The following COL24A1 variants were observed in gnomAD, a reference collection of about 807,000 sequenced individuals.
The protein encoded by COL24A1 is collagen alpha-1(XXIV) chain.
In COL24A1, 224 loss-of-function variants were observed where a neutral mutation model predicts 253.9. The observed-to-expected ratio is 0.88, with a 90% CI of 0.79 to 0.99. The LOEUF (loss-of-function observed/expected upper bound fraction) is 0.99, where lower values mean the gene tolerates loss of function less well. Ranked by LOEUF, COL24A1 falls within the 50% of genes least tolerant of loss-of-function variation. The pLI is 0.00. For synonymous variants in COL24A1, 685 were observed against 673.7 expected, an observed-to-expected ratio of 1.02 and a Z score of -0.26; for missense variants, 2,131 against 2,068.5, an observed-to-expected ratio of 1.03 and a Z score of -0.59.
chr1:86,056,003 A>C (rs1700634635), intron 10 of COL24A1, among the ~76,000 whole-genome samples: 1 of 151,882 alleles, frequency 6.6e-6, no homozygotes, highest in Admixed American at 6.6e-5. Context: ...CTGTAGTCCC[A>C]GCTACTCAGG....
rs1434354880 is a variant in COL24A1, at chr1:86,055,990, C to T, written c.1851+1941G>A. On this transcript the variant is annotated intron_variant, in intron 10 of 59. Transcript: ENST00000370571. ...AAAATTAGCTGGGTGTGGTGGCAGG[C>T]GCCTGTAGTCCCAGCTACTCAGGAG... 2.6e-5 allele frequency among the ~76,000 whole-genome samples: 4 copies of T among 151,788 alleles called. No homozygotes were observed. In the South Asian group the frequency reaches 8.4e-4, roughly 32 times the overall value.
At position 85,861,936 on chromosome 1, in the gene COL24A1, C is replaced by T. The variant is rs183188257; in HGVS notation, c.3300+6583G>A. On this transcript the variant is annotated intron_variant, in intron 37 of 59. Coordinates refer to ENST00000370571, the MANE Select transcript of COL24A1 (RefSeq NM_152890.7). The stretch of plus-strand genomic sequence containing the variant: ...GCTCATTCTCACCTCTATATCTTGG[C>T]CATTGCTGCTTCATCTATCTTGAAG... 1.0e-3 allele frequency among the ~76,000 whole-genome samples: 157 copies of T among 152,238 alleles called. 1 individual carries two copies. Among genetic ancestry groups the T allele is most frequent in the African/African-American group, 3.6e-3 (151 of 41,542 alleles).
intron 47 of COL24A1, among the ~76,000 whole-genome samples, chr1:85,804,083 T>C (rs185598438): frequency 1.3e-5 from 2 of 152,260 alleles, no homozygotes; most frequent in African/African-American, 4.8e-5. Context: ...AAAGTATTGG[T>C]TATCAAATAG....
At chr1:85,863,507 TA>T (rs991924632) in intron 37 of COL24A1, among the ~76,000 whole-genome samples, 4 of 152,090 alleles carry the variant, frequency 2.6e-5, no homozygotes, top group African/African-American at 9.7e-5. Context: ...ACTTCATGTC[TA>T]AAACACAAAA....
chr1:86,089,689 G>A (rs951111979), intron 6 of COL24A1, among the ~76,000 whole-genome samples: 1 of 152,044 alleles, frequency 6.6e-6, no homozygotes. Context: ...GCATGGTGTC[G>A]GGCACCTGTA....
intron 1 of COL24A1, chr1:86,154,316 T>C (rs1196528127): frequency 6.6e-6 from 1 of 152,264 alleles, no homozygotes; most frequent in Non-Finnish European, 1.5e-5. Context: ...TAATCTGATG[T>C]AATTATGAAT....
chr1:86,021,980 A>G (rs952311653), intron 18 of COL24A1, among the ~76,000 whole-genome samples: 3 of 152,172 alleles, frequency 2.0e-5, no homozygotes, highest in Non-Finnish European at 2.9e-5. Flanking sequence ...AATATTGTCT[A>G]TATTAAATTA....
chr1:86,022,118 T>C, intron 18 of COL24A1, 122 bp downstream of exon 18: 2 of 878,268 alleles, frequency 2.3e-6, no homozygotes. Context: ...TTTGCTATAT[T>C]CTAAAACTAA....
intron 48 of COL24A1, among the ~76,000 whole-genome samples, chr1:85,786,143 A>T (rs1428685994): frequency 6.6e-6 from 1 of 152,234 alleles, no homozygotes; most frequent in East Asian, 1.9e-4. Context: ...CCTGGGTCAA[A>T]GAGTTGTTAT....
chr1:85,801,601 C>T (rs1178779191), intron 47 of COL24A1, among the ~76,000 whole-genome samples: 1 of 152,198 alleles, frequency 6.6e-6, no homozygotes, highest in Non-Finnish European at 1.5e-5. Context: ...CTACTGTTGA[C>T]AGTCTCTGGG....
intron 24 of COL24A1, among the ~76,000 whole-genome samples, chr1:85,918,154 G>A (rs1257468421): frequency 7.0e-6 from 1 of 143,826 alleles, no homozygotes; most frequent in South Asian, 2.3e-4. Flanking sequence ...CTTATGATTT[G>A]TATTTTCTGG....
intron 28 of COL24A1, among the ~76,000 whole-genome samples, chr1:85,906,774 T>A (rs1217221579): frequency 1.3e-5 from 2 of 151,976 alleles, no homozygotes; most frequent in Admixed American, 6.6e-5. Context: ...TGATTTACAA[T>A]TAATAAGCTC....
intron 24 of COL24A1, among the ~76,000 whole-genome samples, chr1:85,932,207 C>A (rs1687803178): frequency 1.2e-5 from 1 of 83,908 alleles, no homozygotes; most frequent in East Asian, 3.9e-4. Context: ...GGCTAATATC[C>A]AGAATCTACA....
chr1:86,006,895 G>C (rs767383013), intron 19 of COL24A1, among the ~76,000 whole-genome samples: 1 of 152,080 alleles, frequency 6.6e-6, no homozygotes, highest in Non-Finnish European at 1.5e-5. Flanking sequence ...CACATTATAT[G>C]TCATTAGGGA....
intron 4 of COL24A1, 57 bp from the exon 5 acceptor site, chr1:86,112,677 C>T (rs1225427045): frequency 8.1e-6 from 12 of 1,476,958 alleles, no homozygotes; most frequent in African/African-American, 4.1e-5. Context: ...GAACAAAGTA[C>T]AATTGCTTAC....
intron 43 of COL24A1, among the ~76,000 whole-genome samples, chr1:85,832,901 A>G (rs1367568571): frequency 2.0e-5 from 3 of 151,148 alleles, no homozygotes; most frequent in Non-Finnish European, 4.4e-5. Flanking sequence ...CTCTTTTCCT[A>G]ACTGAATACC....
At chr1:85,790,678 G>A (rs1670186802) in intron 47 of COL24A1, among the ~76,000 whole-genome samples, 1 of 151,972 alleles carries the variant, frequency 6.6e-6, no homozygotes, top group Non-Finnish European at 1.5e-5. Flanking sequence ...CAGTGCACAT[G>A]CTATCATATC....
chr1:85,806,252 T>C (rs1276015514), intron 47 of COL24A1, among the ~76,000 whole-genome samples: 3 of 152,156 alleles, frequency 2.0e-5, no homozygotes, highest in Non-Finnish European at 4.4e-5. Flanking sequence ...AATCTCAAAT[T>C]ATGTGGAGGA....
At chr1:85,821,168 A>G (rs538530220) in intron 45 of COL24A1, among the ~76,000 whole-genome samples, 87 of 152,306 alleles carry the variant, frequency 5.7e-4, no homozygotes, top group Non-Finnish European at 9.3e-4. Context: ...TCACATTTGC[A>G]TTACAAAAGT....
Sources: gnomAD v4.1 joint callset for allele counts (sites outside exome capture counted in the v4.1 genomes callset) on GRCh38, gnomAD v4.1.1 for gene constraint, MANE v1.5 for transcripts, NCBI Gene and HGNC (gene_info 2026-07-23, HGNC 2026-07-21) for gene names.